CEP85L: variants seen among roughly 807,000 people sequenced by gnomAD.
CEP85L encodes centrosomal protein 85L.
Under a neutral mutation model 100.3 loss-of-function variants are expected in CEP85L, and 60 were observed. That is an observed-to-expected ratio of 0.60 (90% CI 0.49 to 0.74). The LOEUF is 0.74. CEP85L is among the 30% of genes least tolerant of loss of function. The pLI is 0.00. For synonymous variants in CEP85L, 319 were observed against 322.7 expected (o/e 0.99, Z 0.12); for missense variants, 973 against 936.2 (o/e 1.04, Z -0.51).
intron 7 of CEP85L, among the ~76,000 whole-genome samples, chr6:118,483,218 CTG>C (rs1477011657): frequency 6.6e-6 from 1 of 151,044 alleles, no homozygotes; most frequent in Non-Finnish European, 1.5e-5. Flanking sequence ...GAGAAAGACT[CTG>C]AGGTATTGTT....
intron 2 of CEP85L, among the ~76,000 whole-genome samples, chr6:118,612,656 G>A: frequency 2.8e-5 from 2 of 70,958 alleles, no homozygotes; most frequent in Non-Finnish European, 2.4e-5. Flanking sequence ...GTGAGACTCT[G>A]TCTCAAAAAA....
At chr6:118,660,703 T>C (rs980363675) in intron 1 of CEP85L, among the ~76,000 whole-genome samples, 1 of 152,204 alleles carries the variant, frequency 6.6e-6, no homozygotes. Flanking sequence ...AGTCTTAAGA[T>C]GCTCCTTGCT....
upstream of CEP85L, among the ~76,000 whole-genome samples, chr6:118,654,934 A>G (rs566091637): frequency 6.6e-6 from 1 of 152,360 alleles, no homozygotes. Flanking sequence ...GGTATAGGCC[A>G]GGTCAGTTGT....
chr6:118,679,324 T>C (rs1423445913), intron 1 of CEP85L, among the ~76,000 whole-genome samples: 1 of 152,116 alleles, frequency 6.6e-6, no homozygotes, highest in Non-Finnish European at 1.5e-5. Flanking sequence ...AAAAAAAGAA[T>C]GAACAATAAA....
chr6:118,654,993 T>C (rs1169296527), upstream of CEP85L, among the ~76,000 whole-genome samples: 1 of 152,220 alleles, frequency 6.6e-6, no homozygotes, highest in African/African-American at 2.4e-5. Context: ...GACTGGGATC[T>C]TTTCCTGACC....
At chr6:118,467,683 C>T (rs1309387210) in intron 12 of CEP85L, among the ~76,000 whole-genome samples, 1 of 152,152 alleles carries the variant, frequency 6.6e-6, no homozygotes, top group Non-Finnish European at 1.5e-5. Context: ...ATGTAGGAGA[C>T]TCTAAAGTAA....
chr6:118,701,204 C>T (rs1036690634), intron 1 of CEP85L, among the ~76,000 whole-genome samples: 15 of 152,162 alleles, frequency 9.9e-5, no homozygotes, highest in Non-Finnish European at 1.9e-4. Context: ...ATTAGTTCAG[C>T]CACTGTGGAA....
chr6:118,495,519 G>C (rs528250119), intron 5 of CEP85L, among the ~76,000 whole-genome samples: 308 of 152,280 alleles, frequency 2.0e-3, no homozygotes, highest in African/African-American at 7.1e-3. Flanking sequence ...AGAAGGATGT[G>C]TTTGCTTCCC....
At chr6:118,544,736 A>C (rs1166760608) in intron 3 of CEP85L, among the ~76,000 whole-genome samples, 1 of 152,196 alleles carries the variant, frequency 6.6e-6, no homozygotes, top group Non-Finnish European at 1.5e-5. Flanking sequence ...AAATCAAGTG[A>C]AAAGTGAACC....
intron 2 of CEP85L, among the ~76,000 whole-genome samples, chr6:118,611,899 G>A (rs1295822042): frequency 7.7e-6 from 1 of 129,808 alleles, no homozygotes; most frequent in African/African-American, 2.5e-5. Flanking sequence ...AATTATATTT[G>A]TAGACTTTCA....
intron 3 of CEP85L, among the ~76,000 whole-genome samples, chr6:118,548,041 T>C (rs1009922072): frequency 7.9e-5 from 12 of 152,152 alleles, no homozygotes; most frequent in African/African-American, 2.9e-4. Flanking sequence ...GATGCATGAA[T>C]CTTTAACAAA....
intron 1 of CEP85L, among the ~76,000 whole-genome samples, chr6:118,637,855 A>C (rs1242795314): frequency 6.6e-6 from 1 of 152,164 alleles, no homozygotes. Context: ...GGTTTAGTCT[A>C]AATGGACAAA....
chr6:118,698,872 G>A (rs1051877296), intron 1 of CEP85L, among the ~76,000 whole-genome samples: 16 of 151,300 alleles, frequency 1.1e-4, no homozygotes, highest in South Asian at 6.2e-4. Context: ...TGACAGTGAC[G>A]GTAACCCCTG....
chr6:118,490,587 T>C (rs1263474520), intron 6 of CEP85L, among the ~76,000 whole-genome samples: 1 of 152,258 alleles, frequency 6.6e-6, no homozygotes, highest in African/African-American at 2.4e-5. Context: ...GCAATTCAAC[T>C]ACCAGGTATT....
At chr6:118,528,255 T>C (rs182071807) in intron 3 of CEP85L, among the ~76,000 whole-genome samples, 5 of 151,018 alleles carry the variant, frequency 3.3e-5, no homozygotes, top group Non-Finnish European at 1.5e-5. Flanking sequence ...AAGAAAAAGA[T>C]TAAACAGAAG....
At chr6:118,546,220 C>T (rs1440130824) in intron 3 of CEP85L, among the ~76,000 whole-genome samples, 5 of 152,074 alleles carry the variant, frequency 3.3e-5, no homozygotes, top group African/African-American at 1.2e-4. Context: ...ACAAAAACTC[C>T]CCACTCTTGT....
chr6:118,703,478 T>C (rs1777494236), intron 1 of CEP85L, among the ~76,000 whole-genome samples: 1 of 152,242 alleles, frequency 6.6e-6, no homozygotes, highest in South Asian at 2.1e-4. Context: ...GTGCTGGAAC[T>C]ACAGGCATAG....
At chr6:118,697,663 A>C (rs1405301226) in intron 1 of CEP85L, among the ~76,000 whole-genome samples, 2 of 152,198 alleles carry the variant, frequency 1.3e-5, no homozygotes, top group Non-Finnish European at 2.9e-5. Context: ...GTTGGCAGAG[A>C]GGTGGCGGTG....
intron 2 of CEP85L, among the ~76,000 whole-genome samples, chr6:118,616,800 C>T (rs1233840144): frequency 1.3e-5 from 2 of 151,482 alleles, no homozygotes; most frequent in African/African-American, 4.9e-5. Context: ...CAAAAATTAG[C>T]CAGGCGTGGT....
Sources: gnomAD v4.1 joint callset for allele counts (sites outside exome capture counted in the v4.1 genomes callset) on GRCh38, gnomAD v4.1.1 for gene constraint, MANE v1.5 for transcripts, NCBI Gene and HGNC (gene_info 2026-07-23, HGNC 2026-07-21) for gene names.